Variants in INSYN2B observed in about 807,000 individuals in gnomAD.
The protein encoded by INSYN2B is inhibitory synaptic factor family member 2B.
In INSYN2B, 16 loss-of-function variants were observed where a neutral mutation model predicts 41.2. That is an observed-to-expected ratio of 0.39 (90% CI 0.26 to 0.59). INSYN2B has a LOEUF of 0.59. INSYN2B is among the 20% of genes least tolerant of loss of function. INSYN2B has a pLI of 0.57. For synonymous variants in INSYN2B, 245 were observed against 244.4 expected (o/e 1.00, Z -0.02); for missense variants, 608 against 646.4 (o/e 0.94, Z 0.64).
chr5:169,891,211 C>A (rs1463475289), intron 1 of INSYN2B, among the ~76,000 whole-genome samples: 1 of 152,148 alleles, frequency 6.6e-6, no homozygotes, highest in Non-Finnish European at 1.5e-5. Context: ...TCCCCAGATC[C>A]TTCCAAGCCT....
At chr5:169,951,448 A>G (rs1776660412) in intron 1 of INSYN2B, among the ~76,000 whole-genome samples, 1 of 152,338 alleles carries the variant, frequency 6.6e-6, no homozygotes, top group South Asian at 2.1e-4. Context: ...CCTTCCCCAC[A>G]TAGTCTTCTG....
chr5:169,948,776 C>A (rs908285215), intron 1 of INSYN2B, among the ~76,000 whole-genome samples: 1 of 151,960 alleles, frequency 6.6e-6, no homozygotes, highest in African/African-American at 2.4e-5. Flanking sequence ...CTACACCTGG[C>A]TCACAACTAC....
chr5:169,898,562 A>T (rs961938849), intron 1 of INSYN2B, among the ~76,000 whole-genome samples: 6 of 149,692 alleles, frequency 4.0e-5, no homozygotes, highest in Non-Finnish European at 5.9e-5. Context: ...CAACAACAAC[A>T]CACACCGGAT....
chr5:169,887,717 AATT>A (rs1773051409), intron 1 of INSYN2B, among the ~76,000 whole-genome samples: 1 of 152,220 alleles, frequency 6.6e-6, no homozygotes, highest in African/African-American at 2.4e-5. Flanking sequence ...GCTCTTGTCT[AATT>A]ATCTTCTTGA....
intron 1 of INSYN2B, among the ~76,000 whole-genome samples, chr5:169,891,100 T>C (rs998091580): frequency 6.6e-6 from 1 of 152,112 alleles, no homozygotes; most frequent in African/African-American, 2.4e-5. Flanking sequence ...TCATGCCACT[T>C]TCCCCCTTTT....
At chr5:169,934,951 A>G (rs943916120) in intron 1 of INSYN2B, 1 of 296,796 alleles carries the variant, frequency 3.4e-6, no homozygotes, top group East Asian at 9.3e-5. Context: ...TGATTGTGCT[A>G]TGCTGGATAC....
chr5:169,901,431 G>T (rs564820351), intron 1 of INSYN2B, among the ~76,000 whole-genome samples: 2 of 152,266 alleles, frequency 1.3e-5, no homozygotes, highest in South Asian at 2.1e-4. Context: ...GTGTGTGTGT[G>T]TGGGCATGCA....
At chr5:169,908,399 C>T (rs189843383) in intron 1 of INSYN2B, among the ~76,000 whole-genome samples, 22 of 152,268 alleles carry the variant, frequency 1.4e-4, no homozygotes, top group Admixed American at 1.4e-3. Context: ...TAAGAATATG[C>T]TTTCCCCTGC....
chr5:169,953,633 A>G (rs887536811), intron 1 of INSYN2B, among the ~76,000 whole-genome samples: 1 of 152,202 alleles, frequency 6.6e-6, no homozygotes, highest in African/African-American at 2.4e-5. Context: ...TGTGGGCAGA[A>G]GAGTTCACAG....
At chr5:169,924,596 C>T (rs1219403010) in intron 1 of INSYN2B, among the ~76,000 whole-genome samples, 1 of 152,148 alleles carries the variant, frequency 6.6e-6, no homozygotes, top group Non-Finnish European at 1.5e-5. Context: ...CAGAGCTATT[C>T]AATCATGCTG....
intron 1 of INSYN2B, among the ~76,000 whole-genome samples, chr5:169,965,396 T>C (rs1176009734): frequency 2.0e-5 from 3 of 152,348 alleles, no homozygotes; most frequent in Middle Eastern, 6.8e-3. Context: ...ATGTCACTTA[T>C]TGCTTGCAAA....
Position 169,863,972 on chromosome 5 carries a change from C to T in INSYN2B, c.*301G>A, listed in dbSNP as rs1186720463. ...GGAAGGTGTAGTGTGGGGTTTTGCT[C>T]GTGGTGGGAATCTGGTCTTAAAACT... is the stretch of plus-strand genomic sequence containing the variant. On this transcript the variant is annotated 3_prime_UTR_variant, in exon 4 of 4. Transcript: ENST00000377365. 6.6e-6 allele frequency among the ~76,000 whole-genome samples: 1 copy of T among 152,078 alleles called. No homozygotes were observed. The highest frequency in any genetic ancestry group is 2.4e-5 in the African/African-American group (1 of 41,402).
intron 1 of INSYN2B, among the ~76,000 whole-genome samples, chr5:169,926,067 T>A (rs1561829373): frequency 2.6e-5 from 4 of 152,188 alleles, no homozygotes; most frequent in Non-Finnish European, 5.9e-5. Context: ...AGAGCTGAGC[T>A]TAGAAAAGAG....
At chr5:169,975,197 G>A (rs1777673621) in intron 1 of INSYN2B, among the ~76,000 whole-genome samples, 1 of 152,216 alleles carries the variant, frequency 6.6e-6, no homozygotes, top group South Asian at 2.1e-4. Flanking sequence ...ATGAGGAAGA[G>A]TCAACATTTA....
intron 1 of INSYN2B, among the ~76,000 whole-genome samples, chr5:169,945,565 G>A (rs1218900144): frequency 2.0e-5 from 3 of 152,144 alleles, no homozygotes; most frequent in East Asian, 1.9e-4. Context: ...TGCTCATTTC[G>A]AAGGTGAGAA....
chr5:169,971,865 C>T (rs1228236761), intron 1 of INSYN2B, among the ~76,000 whole-genome samples: 2 of 152,168 alleles, frequency 1.3e-5, no homozygotes, highest in East Asian at 3.9e-4. Context: ...TTCTGCTGTA[C>T]CCAGGCACTT....
At chr5:169,952,299 T>C (rs1221060078) in intron 1 of INSYN2B, among the ~76,000 whole-genome samples, 1 of 152,210 alleles carries the variant, frequency 6.6e-6, no homozygotes, top group African/African-American at 2.4e-5. Flanking sequence ...ACTTGTTGTG[T>C]ACCTGATGCA....
At chr5:169,961,379 A>G (rs1777080423) in intron 1 of INSYN2B, among the ~76,000 whole-genome samples, 1 of 152,262 alleles carries the variant, frequency 6.6e-6, no homozygotes, top group African/African-American at 2.4e-5. Context: ...CTTGCCTTGC[A>G]TCAGGGGAAT....
rs1324001780 is a variant in INSYN2B, at chr5:169,884,654, G to A, written c.-756C>T. 1.3e-5 allele frequency: 2 copies of A among 152,348 alleles called. No homozygotes were observed. The highest frequency in any genetic ancestry group is 4.8e-5 in the African/African-American group (2 of 41,446). The allele number at this position is 152,348 out of a possible 1,614,324, so 9.4% of individuals were successfully genotyped here. ...AGGACAGGATTGAGGAATCACAGGG[G>A]ATTCAGTGGGCAGAGTCCCTGTTGT... is the stretch of plus-strand genomic sequence containing the variant. On this transcript the variant is annotated 5_prime_UTR_variant, in exon 2 of 4. Coordinates refer to ENST00000377365, the MANE Select transcript of INSYN2B (RefSeq NM_001129891.3).
Sources: allele counts gnomAD v4.1 joint callset (sites outside exome capture counted in the v4.1 genomes callset), GRCh38; gene constraint gnomAD v4.1.1; transcripts MANE v1.5; gene names NCBI Gene and HGNC (gene_info 2026-07-23, HGNC 2026-07-21).